Variants in NCKAP5 observed in about 807,000 individuals in gnomAD.
The protein encoded by NCKAP5 is nck-associated protein 5.
A neutral mutation model predicts 167.0 loss-of-function variants in NCKAP5; 92 were observed. The ratio of observed to expected loss-of-function variants is 0.55; its 90% CI spans 0.47 to 0.66. The LOEUF (loss-of-function observed/expected upper bound fraction) is 0.66, where lower values mean the gene tolerates loss of function less well. Ranked by LOEUF, NCKAP5 falls within the 30% of genes least tolerant of loss-of-function variation. The pLI is 0.00. For missense variants in NCKAP5, 2,378 were observed against 2,315.0 expected (o/e 1.03, Z -0.56); for synonymous variants, 891 against 877.4 (o/e 1.02, Z -0.27).
intron 8 of NCKAP5, among the ~76,000 whole-genome samples, chr2:132,938,054 C>G (rs1435563904): frequency 6.6e-6 from 1 of 152,206 alleles, no homozygotes; most frequent in Non-Finnish European, 1.5e-5. Flanking sequence ...TTTAAGCTCC[C>G]TTTTCAATAA....
At chr2:133,580,194 C>A in the NCKAP5 span, among the ~76,000 whole-genome samples, 1 of 152,202 alleles carries the variant, frequency 6.6e-6, no homozygotes, top group African/African-American at 2.4e-5. Flanking sequence ...ATCCAGGTCA[C>A]TACGGCTTCT....
intron 6 of NCKAP5, among the ~76,000 whole-genome samples, chr2:133,096,849 T>A (rs1351377789): frequency 1.3e-5 from 2 of 152,194 alleles, no homozygotes; most frequent in Non-Finnish European, 2.9e-5. Context: ...CAGGTGCCAA[T>A]ATTGTGATAA....
intron 2 of NCKAP5, among the ~76,000 whole-genome samples, chr2:133,521,476 A>G (rs573269671): frequency 6.6e-6 from 1 of 152,378 alleles, no homozygotes; most frequent in South Asian, 2.1e-4. Flanking sequence ...TTGAGCTGTC[A>G]TAACAGAATA....
At chr2:132,930,178 C>T (rs745900349) in intron 8 of NCKAP5, 1 of 152,146 alleles carries the variant, frequency 6.6e-6, no homozygotes, top group Non-Finnish European at 1.5e-5. Flanking sequence ...CCAGGACGAC[C>T]CTGTTGCAGT....
the NCKAP5 span, among the ~76,000 whole-genome samples, chr2:133,611,897 G>T: frequency 6.6e-6 from 1 of 152,182 alleles, no homozygotes; most frequent in African/African-American, 2.4e-5. Context: ...GAAGTGTCTA[G>T]CAGTACCCTG....
rs558942497 is a variant in NCKAP5, at chr2:133,111,263, C to T, written c.341+18715G>A. Among the ~76,000 whole-genome samples, 3 of 152,242 alleles carry T rather than the reference C, an allele frequency of 2.0e-5. No homozygotes were observed. The East Asian group carries it at 5.8e-4, about 29-fold the overall frequency. On this transcript the variant is annotated intron_variant, in intron 6 of 19. Transcript: ENST00000409261. Reference sequence around the variant, plus strand: ...TGATTATTACTGTAGACAAAGAACCCTCTAAAAGCAGATTGTTGCTGTAGA... The same window carrying T: ...TGATTATTACTGTAGACAAAGAACCTTCTAAAAGCAGATTGTTGCTGTAGA...
At chr2:133,467,687 C>A (rs1219418522) in intron 3 of NCKAP5, among the ~76,000 whole-genome samples, 2 of 149,424 alleles carry the variant, frequency 1.3e-5, no homozygotes, top group South Asian at 2.2e-4. Context: ...ACAATTTCAG[C>A]TCCTGTTATT....
intron 11 of NCKAP5, among the ~76,000 whole-genome samples, chr2:132,818,096 C>T (rs753852698): frequency 3.9e-5 from 6 of 152,130 alleles, no homozygotes; most frequent in Non-Finnish European, 5.9e-5. Context: ...TACAGGCACA[C>T]GCCAGCATGC....
chr2:132,793,683 G>A (rs1004908130), intron 12 of NCKAP5, among the ~76,000 whole-genome samples: 1 of 152,182 alleles, frequency 6.6e-6, no homozygotes, highest in African/African-American at 2.4e-5. Context: ...GCTAAGCCAG[G>A]CAAAGGGAAT....
chr2:133,519,995 G>A (rs995841847), intron 2 of NCKAP5, among the ~76,000 whole-genome samples: 3 of 151,904 alleles, frequency 2.0e-5, no homozygotes, highest in African/African-American at 7.3e-5. Flanking sequence ...AGACCATCCT[G>A]GCCAACATGG....
chr2:133,571,490 G>A (rs981134810), upstream of NCKAP5, among the ~76,000 whole-genome samples: 8 of 152,112 alleles, frequency 5.3e-5, no homozygotes, highest in Non-Finnish European at 1.0e-4. Context: ...CTAGTCCTGC[G>A]CTCAGGTAAT....
intron 5 of NCKAP5, among the ~76,000 whole-genome samples, chr2:133,160,065 CA>C (rs1345696512): frequency 6.6e-6 from 1 of 152,198 alleles, no homozygotes; most frequent in Non-Finnish European, 1.5e-5. Flanking sequence ...AAAGATTCAG[CA>C]GCTGTATTAG....
chr2:133,380,192 A>T (rs1217335136), intron 3 of NCKAP5, among the ~76,000 whole-genome samples: 1 of 152,190 alleles, frequency 6.6e-6, no homozygotes, highest in East Asian at 1.9e-4. Context: ...AAAGTCTAAA[A>T]GGGCACACAC....
chr2:133,207,455 T>C (rs977101474), intron 5 of NCKAP5, among the ~76,000 whole-genome samples: 2 of 152,168 alleles, frequency 1.3e-5, no homozygotes, highest in Non-Finnish European at 2.9e-5. Flanking sequence ...AATACCACTT[T>C]AAATAAGCCT....
chr2:133,569,611 A>G (rs1688783751), upstream of NCKAP5, among the ~76,000 whole-genome samples: 1 of 152,180 alleles, frequency 6.6e-6, no homozygotes, highest in Non-Finnish European at 1.5e-5. Context: ...GGAGGCAGGA[A>G]CAAGGTTAGC....
At chr2:132,778,985 G>T (rs190152518) in intron 15 of NCKAP5, among the ~76,000 whole-genome samples, 1 of 152,182 alleles carries the variant, frequency 6.6e-6, no homozygotes, top group East Asian at 1.9e-4. Flanking sequence ...TTAAAAAAAT[G>T]ACTAGCTGGT....
chr2:133,541,076 T>G (rs1686194579), intron 2 of NCKAP5, among the ~76,000 whole-genome samples: 1 of 150,856 alleles, frequency 6.6e-6, no homozygotes, highest in Non-Finnish European at 1.5e-5. Context: ...TATAAGTATT[T>G]TATATATATA....
At chr2:132,886,091 C>A (rs1373012822) in intron 8 of NCKAP5, among the ~76,000 whole-genome samples, 3 of 152,172 alleles carry the variant, frequency 2.0e-5, no homozygotes, top group African/African-American at 7.2e-5. Context: ...CTCCCATTGG[C>A]CTTTCTAAAT....
chr2:133,083,785 C>T (rs187379705), intron 6 of NCKAP5, among the ~76,000 whole-genome samples: 7 of 152,182 alleles, frequency 4.6e-5, no homozygotes, highest in African/African-American at 9.6e-5. Context: ...ACTGAGTCAC[C>T]GCAATCTAAG....
Sources: gnomAD v4.1 joint callset for allele counts (sites outside exome capture counted in the v4.1 genomes callset) on GRCh38, gnomAD v4.1.1 for gene constraint, MANE v1.5 for transcripts, NCBI Gene and HGNC (gene_info 2026-07-23, HGNC 2026-07-21) for gene names.